The following MED25 variants were observed in gnomAD, a reference collection of about 807,000 sequenced individuals.
MED25 encodes mediator complex subunit 25.
MED25 carries 62 observed loss-of-function variants against 89.4 expected under a neutral mutation model. The ratio of observed to expected loss-of-function variants is 0.69; its 90% CI spans 0.57 to 0.86. The LOEUF is 0.86. MED25 is among the 40% of genes least tolerant of loss of function. The pLI is 0.00. For synonymous variants in MED25, 449 were observed against 427.9 expected (o/e 1.05, Z -0.61); for missense variants, 905 against 1,005.2 (o/e 0.90, Z 1.35).
At position 49,831,438 on chromosome 19, in the gene MED25, A is replaced by G. The variant is rs2074056950; in HGVS notation, c.1207A>G (p.Ser403Gly). The G allele has an allele frequency of 6.2e-7, 1 of 1,612,208 alleles. No homozygotes were observed. Among genetic ancestry groups the G allele is most frequent in the East Asian group, 2.2e-5 (1 of 44,860 alleles). ...QSVSNKLLAW[S>G]GVLEWQEKPK... The stretch of plus-strand genomic sequence containing the variant: ...AGTCTCCAATAAGCTTCTGGCCTGG[A>G]GCGGGGTCCTGGAGTGGCAAGAGGT... The change falls in exon 10 of 18, where the codon AGC (serine) becomes GGC (glycine). Residue 403 changes from serine to glycine, a missense_variant. Physicochemically the swap from Ser to Gly is moderately conservative, Grantham distance 56. Coordinates refer to ENST00000312865, the MANE Select transcript of MED25 (RefSeq NM_030973.4). The surrounding 1 kb of genome is among the most constrained non-coding windows in gnomAD (Gnocchi z 5.0).
chr19:49,819,624 T>C (rs2073968287), intron 3 of MED25: 7 of 369,556 alleles, frequency 1.9e-5, no homozygotes, highest in Middle Eastern at 9.5e-4. Flanking sequence ...TGCCATCAGT[T>C]TAGAAGTAGG....
Position 49,836,098 on chromosome 19 carries a change from G to A in MED25, c.1966-128G>A, listed in dbSNP as rs978598599. On this transcript the variant is annotated intron_variant, in intron 16 of 17. Transcript: ENST00000312865. The surrounding 1 kb of genome is among the most constrained non-coding windows in gnomAD (Gnocchi z 5.1). ...GCAGAAGGCAGACCGCCTCCTCTCC[G>A]TCCATCCCCCACCTTTGAAGAAAAA... The A allele has an allele frequency of 2.5e-5, 38 of 1,511,380 alleles. No individual in the cohort carries two copies. The highest frequency in any genetic ancestry group is 2.5e-5 in the Non-Finnish European group (28 of 1,111,544). 93.6% of individuals were successfully genotyped at this position (1,511,380 alleles called of 1,614,324 possible).
intron 3 of MED25, among the ~76,000 whole-genome samples, chr19:49,823,320 G>A (rs989679145): frequency 6.6e-6 from 1 of 152,298 alleles, no homozygotes; most frequent in East Asian, 1.9e-4. Context: ...AGTGTAGGAG[G>A]AGACTACCCA....
At position 49,829,045 on chromosome 19, in the gene MED25, G is replaced by A. The variant is rs753591952; in HGVS notation, c.480G>A (p.Thr160=). 8.1e-6 allele frequency: 13 copies of A among 1,613,932 alleles called. No homozygotes were observed. Among genetic ancestry groups the A allele is most frequent in the South Asian group, 4.4e-5 (4 of 91,088 alleles). ...PYLLPAVEST[T]YSGCTTENLV... ...TGTTGCCTGCTGTTGAGAGCACCAC[G>A]TACTCTGGATGCACAACTGAGAATC... is the stretch of plus-strand genomic sequence containing the variant. The change falls in exon 5 of 18, where the codon ACG becomes ACA. Residue 160 remains threonine (T), a synonymous_variant. Transcript: ENST00000312865. The surrounding 1 kb of genome is among the most constrained non-coding windows in gnomAD (Gnocchi z 4.6).
downstream of MED25, among the ~76,000 whole-genome samples, chr19:49,838,134 A>C (rs1019558401): frequency 6.6e-6 from 1 of 152,138 alleles, no homozygotes; most frequent in South Asian, 2.1e-4. Flanking sequence ...ATCATTTTGC[A>C]TGCTGGTTAA....
At chr19:49,821,194 C>CCTCT (rs1404658078) in intron 3 of MED25, among the ~76,000 whole-genome samples, 4 of 152,168 alleles carry the variant, frequency 2.6e-5, no homozygotes, top group African/African-American at 9.7e-5. Flanking sequence ...GGCCACAAGA[C>CCTCT]CTCTCCACAG....
intron 13 of MED25, chr19:49,833,042 C>A: frequency 6.3e-6 from 1 of 157,486 alleles, no homozygotes; most frequent in Non-Finnish European, 1.4e-5. Flanking sequence ...ACTACAATTG[C>A]AAAGACCCTC....
At chr19:49,822,470 C>G (rs749483969) in intron 3 of MED25, among the ~76,000 whole-genome samples, 1 of 151,714 alleles carries the variant, frequency 6.6e-6, no homozygotes, top group Middle Eastern at 3.4e-3. Context: ...AGACAAGGTC[C>G]TGCAATGTTG....
At chr19:49,839,890 T>C (rs1482242841), downstream of MED25, 2 of 152,256 alleles carry the variant, frequency 1.3e-5, no homozygotes, top group Non-Finnish European at 1.5e-5. Flanking sequence ...TTTGCCTTTG[T>C]TGGCAGATGT....
At position 49,836,863 on chromosome 19, in the gene MED25, C is replaced by G; in HGVS notation, c.2163C>G (p.Ser721Arg). 1.2e-6 allele frequency: 2 copies of G among 1,610,958 alleles called. No homozygotes were observed. The highest frequency in any genetic ancestry group is 1.7e-6 in the Non-Finnish European group (2 of 1,178,950). Residue 721 changes from serine to arginine, a missense_variant, in exon 18 of 18, where the codon AGC (serine) becomes AGG (arginine). Ser to Arg is a moderately radical substitution (Grantham distance 110). Around this residue, in one of 3 missense-constraint regions of MED25, gnomAD observed 271 missense variants for 258.1 expected, o/e 1.05. Coordinates refer to ENST00000312865, the MANE Select transcript of MED25 (RefSeq NM_030973.4). This position sits in a 1 kb window ranked among gnomAD's most constrained non-coding sequence, Gnocchi z 5.1. ...RAPLPGQMLL[S>R]GGPRGPVPQP... Reference sequence around the variant, plus strand: ...GCCCCTCAGGTCAGATGCTGCTGAGCGGGGGTCCCCGGGGCCCGGTCCCCC... The same window carrying G: ...GCCCCTCAGGTCAGATGCTGCTGAGGGGGGGTCCCCGGGGCCCGGTCCCCC...
Position 49,835,037 on chromosome 19 carries a change from A to C in MED25, c.1534A>C (p.Met512Leu). The C allele has an allele frequency of 6.2e-7, 1 of 1,614,028 alleles. No individual in the cohort carries two copies. The highest frequency in any genetic ancestry group is 1.1e-5 in the South Asian group (1 of 91,076). Residue 512 changes from methionine (M) to leucine (L), a missense_variant, in exon 14 of 18, where the codon ATG becomes CTG. Around this residue, in one of 3 missense-constraint regions of MED25, gnomAD observed 133 missense variants for 220.2 expected, o/e 0.60. Transcript: ENST00000312865. This position sits in a 1 kb window ranked among gnomAD's most constrained non-coding sequence, Gnocchi z 6.2. ...GGCGCCCTGTGAGGTGCGCGTGCTC[A>C]TGCTCCTGTACTCGTCCAAGAAGAA... The part of the protein sequence containing the change: ...HTAPCEVRVL[M>L]LLYSSKKKIF...
intron 3 of MED25, among the ~76,000 whole-genome samples, chr19:49,823,283 G>A (rs1341956219): frequency 2.0e-5 from 3 of 152,134 alleles, no homozygotes. Context: ...TACTGCATTT[G>A]GTGTGCAGTA....
intron 3 of MED25, among the ~76,000 whole-genome samples, chr19:49,825,450 T>C (rs2074009722): frequency 1.3e-5 from 2 of 152,058 alleles, no homozygotes; most frequent in South Asian, 4.2e-4. Flanking sequence ...GGTTTCACTT[T>C]GGCCAGGTTG....
At chr19:49,828,376 A>G (rs2074029182) in intron 3 of MED25, 73 bp from the exon 4 acceptor site, 1 of 1,013,962 alleles carries the variant, frequency 9.9e-7, no homozygotes, top group Admixed American at 1.7e-5. Context: ...ACAGCATGGG[A>G]GCAGGCTCTT....
In MED25 at chr19:49,831,238, G is replaced by C; in HGVS notation, c.1102-95G>C. The C allele has an allele frequency of 7.5e-7, 1 of 1,339,916 alleles. No homozygotes were observed. Among genetic ancestry groups the C allele is most frequent in the Non-Finnish European group, 1.0e-6 (1 of 973,472 alleles). 83.0% of individuals were successfully genotyped at this position (1,339,916 alleles called of 1,614,324 possible). ...CTGGGGATGGAGGGGCAGAAGAAGGGATCTTTCCTCCTTCCTGGTTTGCCC... is the reference window on the plus strand; with the variant it reads ...CTGGGGATGGAGGGGCAGAAGAAGGCATCTTTCCTCCTTCCTGGTTTGCCC... On this transcript the variant is annotated intron_variant, in intron 9 of 17. Transcript: ENST00000312865. The surrounding 1 kb of genome is among the most constrained non-coding windows in gnomAD (Gnocchi z 5.0).
chr19:49,834,887 C>G lies in MED25; in HGVS notation c.1483-99C>G. Reference sequence around the variant, plus strand: ...CTTCTATAGCAGAAACCTCACCTCACCTTGCCTGTGGGGCCTCTAGAGCCT... The same window carrying G: ...CTTCTATAGCAGAAACCTCACCTCAGCTTGCCTGTGGGGCCTCTAGAGCCT... On this transcript the variant is annotated intron_variant, in intron 13 of 17. Coordinates refer to ENST00000312865, the MANE Select transcript of MED25 (RefSeq NM_030973.4). This position sits in a 1 kb window ranked among gnomAD's most constrained non-coding sequence, Gnocchi z 4.1. 1 of 1,263,906 alleles carries G rather than the reference C, an allele frequency of 7.9e-7. No individual in the cohort carries two copies. The highest frequency in any genetic ancestry group is 1.2e-6 in the Non-Finnish European group (1 of 869,446). 78.3% of individuals were successfully genotyped at this position (1,263,906 alleles called of 1,614,324 possible). A position where few individuals can be genotyped will look rare whatever the true frequency, so the allele number is the denominator to read the frequency against.
Position 49,829,886 on chromosome 19 carries a change from C to A in MED25, c.626C>A (p.Pro209His), listed in dbSNP as rs775847625. 1 of 1,613,318 alleles carries A rather than the reference C, an allele frequency of 6.2e-7. No individual in the cohort carries two copies. The highest frequency in any genetic ancestry group is 8.5e-7 in the Non-Finnish European group (1 of 1,179,950). The change falls in exon 6 of 18, where the codon CCT becomes CAT. Residue 209 changes from proline (P) to histidine (H), a missense_variant. Coordinates refer to ENST00000312865, the MANE Select transcript of MED25 (RefSeq NM_030973.4). This position sits in a 1 kb window ranked among gnomAD's most constrained non-coding sequence, Gnocchi z 4.6. ...APPALLEPLQPPTDVSQDPRH... is the reference protein window; with the variant it reads ...APPALLEPLQHPTDVSQDPRH... ...CCGGCCTTGCTGGAGCCGCTGCAGCCTCCGACAGATGTGAGCCAGGACCCG... is the reference window on the plus strand; with the variant it reads ...CCGGCCTTGCTGGAGCCGCTGCAGCATCCGACAGATGTGAGCCAGGACCCG...
At position 49,818,310 on chromosome 19, in the gene MED25, C is replaced by CT; in HGVS notation, c.-31dup. On this transcript the variant is annotated 5_prime_UTR_variant, in exon 1 of 18. Transcript: ENST00000312865. ...GCTCATTCCGCGGCGTCGGCTGCGG[C>CT]TGCAGTGGTGGTGGCGGGTACCGCA... The CT allele has an allele frequency of 6.4e-7, 1 of 1,564,902 alleles. No individual in the cohort carries two copies. Among genetic ancestry groups the CT allele is most frequent in the East Asian group, 2.4e-5 (1 of 42,024 alleles).
intron 3 of MED25, 140 bp from the exon 4 acceptor site, chr19:49,828,309 G>C (rs530968900): frequency 3.7e-5 from 26 of 703,908 alleles, no homozygotes; most frequent in Non-Finnish European, 5.7e-5. Context: ...GGATTGGGTA[G>C]GGAACTCAGC....
Sources: allele counts gnomAD v4.1 joint callset (sites outside exome capture counted in the v4.1 genomes callset), GRCh38; gene constraint gnomAD v4.1.1; regional missense constraint gnomAD v4.1.1; non-coding constraint Gnocchi (gnomAD v3.1); transcripts MANE v1.5; gene names NCBI Gene and HGNC (gene_info 2026-07-23, HGNC 2026-07-21).